The following ABCA4 variants were observed in gnomAD, a reference collection of about 807,000 sequenced individuals.
ABCA4 encodes ATP binding cassette subfamily A member 4.
ABCA4 carries 196 observed loss-of-function variants against 263.7 expected under a neutral mutation model. That is an observed-to-expected ratio of 0.74 (90% CI 0.66 to 0.84). ABCA4 has a LOEUF of 0.84. ABCA4 is among the 40% of genes least tolerant of loss of function. The pLI, the probability that ABCA4 is intolerant of heterozygous loss-of-function variation, is 0.00. For missense variants in ABCA4, 2,792 were observed against 2,855.1 expected, an observed-to-expected ratio of 0.98 and a Z score of 0.50; for synonymous variants, 1,133 against 1,094.2, an observed-to-expected ratio of 1.04 and a Z score of -0.70.
chr1:94,010,033 G>A (rs570067296), intron 40 of ABCA4, among the ~76,000 whole-genome samples: 1 of 152,350 alleles, frequency 6.6e-6, no homozygotes, highest in East Asian at 1.9e-4. Context: ...TCAATTCCCT[G>A]TGGATCAAAA....
At chr1:94,006,158 A>G (rs1659378617) in intron 43 of ABCA4, among the ~76,000 whole-genome samples, 1 of 152,186 alleles carries the variant, frequency 6.6e-6, no homozygotes, top group Non-Finnish European at 1.5e-5. Flanking sequence ...AACTATACAT[A>G]GACATTTAGT....
intron 43 of ABCA4, among the ~76,000 whole-genome samples, 157 bp from the exon 44 acceptor site, chr1:94,005,739 C>T (rs1659360799): frequency 6.6e-6 from 1 of 152,204 alleles, no homozygotes. Flanking sequence ...GGAATCAAAA[C>T]AGGGGCCCTT....
intron 41 of ABCA4, 133 bp from the exon 42 acceptor site, chr1:94,008,430 G>A: frequency 3.3e-6 from 3 of 920,190 alleles, no homozygotes; most frequent in Non-Finnish European, 5.3e-6. Flanking sequence ...ACATGGGCAG[G>A]CACAGAGGTG....
rs371572812 is a variant in ABCA4, at chr1:94,001,055, G to A, written c.6333C>T (p.Asn2111=). 3.0e-5 allele frequency: 49 copies of A among 1,614,044 alleles called. No individual in the cohort carries two copies. In the African/African-American group the frequency reaches 4.9e-4, roughly 16 times the overall value. ...MDPQARRMLW[N]VIVSIIREGR... ...CTTCTCTGATGATGCTCACGATGAC[G>A]TTCCACAGCATGCGGCGTGCCTGGG... is the stretch of plus-strand genomic sequence containing the variant. The change falls in exon 46 of 50, where the codon AAC becomes AAT. Residue 2111 remains asparagine, a synonymous_variant. Transcript: ENST00000370225.
intron 6 of ABCA4, among the ~76,000 whole-genome samples, chr1:94,097,012 T>C (rs1197860401): frequency 1.3e-5 from 2 of 152,250 alleles, no homozygotes; most frequent in Non-Finnish European, 2.9e-5. Flanking sequence ...GGTATTCAGC[T>C]GCCTGGAATA....
chr1:94,119,671 A>AG lies in ABCA4; in HGVS notation c.66+1308dup, dbSNP rs548909637. Among the ~76,000 whole-genome samples the AG allele has an allele frequency of 2.1e-4, 32 of 152,184 alleles. No homozygotes were observed. The East Asian group carries it at 3.9e-3, about 18-fold the overall frequency. On this transcript the variant is annotated intron_variant, in intron 1 of 49. Coordinates refer to ENST00000370225, the MANE Select transcript of ABCA4 (RefSeq NM_000350.3). ...CTCTTCCCTTGGTTCTCTCAGCCCT[A>AG]GGGGTGGGAGCTGTGTCCTGCAATT...
intron 26 of ABCA4, among the ~76,000 whole-genome samples, chr1:94,034,359 C>A (rs1299560945): frequency 6.6e-6 from 1 of 152,044 alleles, no homozygotes. Flanking sequence ...AAAACAGTTA[C>A]TTTGGTTTTT....
At chr1:94,047,180 C>T in intron 18 of ABCA4, 87 bp from the exon 19 acceptor site, 1 of 1,471,060 alleles carries the variant, frequency 6.8e-7, no homozygotes, top group East Asian at 2.3e-5. Flanking sequence ...TGTATTCTGC[C>T]TATAACGTCA....
At chr1:94,115,781 G>T (rs1662742374) in intron 1 of ABCA4, among the ~76,000 whole-genome samples, 1 of 152,230 alleles carries the variant, frequency 6.6e-6, no homozygotes, top group Non-Finnish European at 1.5e-5. Flanking sequence ...AAAGGCAGAA[G>T]AGTAAGGAGA....
Position 94,000,839 on chromosome 1 carries a change from G to A in ABCA4, c.6476C>T (p.Ser2159Phe), listed in dbSNP as rs1168957685. The change falls in exon 47 of 50, where the codon TCC becomes TTC. Residue 2159 changes from serine to phenylalanine, a missense_variant. Coordinates refer to ENST00000370225, the MANE Select transcript of ABCA4 (RefSeq NM_000350.3). ...RCMGTIQHLK[S>F]KFGDGYIVTM... ...GCACGCCCCACCATCTGCTTACTTG[G>A]ACTTGAGATGCTGAATGGTGCCCAT... The A allele has an allele frequency of 6.2e-7, 1 of 1,614,066 alleles. No individual in the cohort carries two copies. Among genetic ancestry groups the A allele is most frequent in the Non-Finnish European group, 8.5e-7 (1 of 1,180,028 alleles).
At chr1:94,009,949 C>T (rs1019572747) in intron 40 of ABCA4, among the ~76,000 whole-genome samples, 2 of 152,194 alleles carry the variant, frequency 1.3e-5, no homozygotes, top group African/African-American at 2.4e-5. Context: ...TTTCATCAGG[C>T]GTGTGTTGAC....
At chr1:94,103,290 G>T in intron 4 of ABCA4, 148 bp from the exon 5 acceptor site, 1 of 999,048 alleles carries the variant, frequency 1.0e-6, no homozygotes, top group African/African-American at 1.6e-5. Flanking sequence ...TAGAGGTGAG[G>T]CTCTTGCCAG....
intron 11 of ABCA4, among the ~76,000 whole-genome samples, chr1:94,076,467 CT>C (rs1197541051): frequency 6.6e-6 from 1 of 152,128 alleles, no homozygotes; most frequent in Non-Finnish European, 1.5e-5. Context: ...TAAATGCTTT[CT>C]TTTTGGTTAA....
chr1:94,011,192 G>A (rs1227368613), intron 39 of ABCA4, 70 bp downstream of exon 39: 11 of 1,611,432 alleles, frequency 6.8e-6, no homozygotes, highest in Admixed American at 5.0e-5. Flanking sequence ...TCTGATGCAG[G>A]AGCCCCCCCG....
At chr1:94,055,025 A>G in intron 16 of ABCA4, 86 bp downstream of exon 16, 1 of 1,340,804 alleles carries the variant, frequency 7.5e-7, no homozygotes, top group Non-Finnish European at 1.1e-6. Flanking sequence ...AGAGCTTGGA[A>G]GAAATGAAAT....
At chr1:94,117,186 C>A (rs1376449230) in intron 1 of ABCA4, among the ~76,000 whole-genome samples, 1 of 151,762 alleles carries the variant, frequency 6.6e-6, no homozygotes, top group Non-Finnish European at 1.5e-5. Flanking sequence ...TAGAACTGAG[C>A]CTGTTAAATT....
chr1:94,073,914 C>T (rs759518673), intron 11 of ABCA4, among the ~76,000 whole-genome samples: 16 of 152,178 alleles, frequency 1.1e-4, no homozygotes, highest in Non-Finnish European at 1.6e-4. Context: ...CGTCCACACC[C>T]CCTCGCACAG....
intron 17 of ABCA4, among the ~76,000 whole-genome samples, chr1:94,050,486 A>G (rs1314815763): frequency 6.6e-6 from 1 of 152,226 alleles, no homozygotes; most frequent in South Asian, 2.1e-4. Context: ...CCAGCCTATG[A>G]GACAGGTGAA....
intron 31 of ABCA4, among the ~76,000 whole-genome samples, chr1:94,024,687 T>C (rs1325119490): frequency 2.0e-5 from 3 of 152,220 alleles, no homozygotes; most frequent in African/African-American, 7.2e-5. Flanking sequence ...TAACTTTTAA[T>C]AATACGTGGG....
Sources: gnomAD v4.1 joint callset for allele counts (sites outside exome capture counted in the v4.1 genomes callset) on GRCh38, gnomAD v4.1.1 for gene constraint, MANE v1.5 for transcripts, NCBI Gene and HGNC (gene_info 2026-07-23, HGNC 2026-07-21) for gene names.